The following LSAMP variants were observed in gnomAD, a reference collection of about 807,000 sequenced individuals.
LSAMP encodes limbic system-associated membrane protein.
Under a neutral mutation model 38.6 loss-of-function variants are expected in LSAMP, and 7 were observed. The ratio of observed to expected loss-of-function variants is 0.18; its 90% CI spans 0.10 to 0.34. The LOEUF is 0.34. Ranked by LOEUF, LSAMP falls within the 10% of genes least tolerant of loss-of-function variation. The probability of loss-of-function intolerance (pLI) is 1.00; values close to 1 mark genes in which losing one functional copy is unlikely to be tolerated. For missense variants in LSAMP, 313 were observed against 420.0 expected (o/e 0.75, Z 2.23); for synonymous variants, 154 against 166.8 (o/e 0.92, Z 0.59).
At chr3:115,933,753 G>T (rs1197328238) in intron 3 of LSAMP, among the ~76,000 whole-genome samples, 1 of 152,158 alleles carries the variant, frequency 6.6e-6, no homozygotes, top group Non-Finnish European at 1.5e-5. Flanking sequence ...GGAAACAGTA[G>T]AACCTTAGTA....
rs1175774219 is a variant in LSAMP, at chr3:116,223,403, C to A, written c.156-136847G>T. 7.2e-5 allele frequency among the ~76,000 whole-genome samples: 11 copies of A among 152,146 alleles called. No individual in the cohort carries two copies. The South Asian group carries it at 2.1e-3, about 29-fold the overall frequency. On this transcript the variant is annotated intron_variant, in intron 1 of 6. Transcript: ENST00000490035. The stretch of plus-strand genomic sequence containing the variant: ...TAATTGCAAATGTAGCTATAATAAT[C>A]AAAAATTAGAACTATTCTAAATGTC...
intron 1 of LSAMP, among the ~76,000 whole-genome samples, chr3:116,249,148 C>CAA (rs56255627): frequency 0.71 from 89,292 of 125,756 alleles, 31,279 homozygotes; most frequent in South Asian, 0.81. Flanking sequence ...GACTCTGTCT[C>CAA]AAAAAAAAAA....
intron 1 of LSAMP, among the ~76,000 whole-genome samples, chr3:116,279,928 C>T (rs1045967795): frequency 1.3e-5 from 2 of 151,992 alleles, no homozygotes; most frequent in East Asian, 3.9e-4. Flanking sequence ...AAAACATTTA[C>T]TATTATTTAA....
intron 1 of LSAMP, among the ~76,000 whole-genome samples, chr3:116,213,264 T>C (rs1030186937): frequency 3.3e-5 from 5 of 152,164 alleles, no homozygotes; most frequent in Admixed American, 1.3e-4. Context: ...AGGAACATAG[T>C]GGGAGGTAAC....
intron 3 of LSAMP, among the ~76,000 whole-genome samples, chr3:115,916,113 C>T (rs1389265561): frequency 2.0e-5 from 3 of 151,970 alleles, no homozygotes; most frequent in Non-Finnish European, 4.4e-5. Flanking sequence ...AGTCCAACAC[C>T]GATCATTCAA....
chr3:116,347,292 T>A (rs942405692), intron 1 of LSAMP, among the ~76,000 whole-genome samples: 1 of 152,168 alleles, frequency 6.6e-6, no homozygotes, highest in Non-Finnish European at 1.5e-5. Flanking sequence ...TTCTTCCCTA[T>A]CCTAACCCTT....
chr3:116,285,107 T>G (rs543638995), intron 1 of LSAMP, among the ~76,000 whole-genome samples: 1 of 152,180 alleles, frequency 6.6e-6, no homozygotes, highest in African/African-American at 2.4e-5. Flanking sequence ...CTACGACTGG[T>G]TTGAAGCTTG....
chr3:116,113,579 C>G (rs1480452380), intron 1 of LSAMP, among the ~76,000 whole-genome samples: 1 of 150,370 alleles, frequency 6.7e-6, no homozygotes, highest in East Asian at 2.0e-4. Flanking sequence ...GCGCCCGCCA[C>G]TACGCCCGGC....
At chr3:116,296,817 C>T (rs186264146) in intron 1 of LSAMP, among the ~76,000 whole-genome samples, 9 of 151,750 alleles carry the variant, frequency 5.9e-5, no homozygotes, top group Admixed American at 2.6e-4. Context: ...ATAACCCTTA[C>T]GCCATGGAGG....
intron 1 of LSAMP, among the ~76,000 whole-genome samples, chr3:116,402,775 A>G (rs2048854845): frequency 6.6e-6 from 1 of 151,626 alleles, no homozygotes; most frequent in South Asian, 2.1e-4. Flanking sequence ...GATGCAATAA[A>G]ACCCCCATGT....
chr3:116,214,914 A>G (rs1262675809), intron 1 of LSAMP, among the ~76,000 whole-genome samples: 1 of 152,154 alleles, frequency 6.6e-6, no homozygotes, highest in African/African-American at 2.4e-5. Context: ...AATTTCAATG[A>G]ACTGTGACTA....
intron 1 of LSAMP, among the ~76,000 whole-genome samples, chr3:116,311,140 T>G (rs1270416446): frequency 1.3e-5 from 2 of 152,136 alleles, no homozygotes; most frequent in Non-Finnish European, 1.5e-5. Flanking sequence ...GTAGAAATCA[T>G]TATGTAATTT....
intron 1 of LSAMP, among the ~76,000 whole-genome samples, chr3:116,239,599 G>A (rs1245810442): frequency 6.6e-6 from 1 of 152,104 alleles, no homozygotes; most frequent in Non-Finnish European, 1.5e-5. Context: ...AATTGTTGAA[G>A]CATGGAAGAT....
chr3:115,931,967 G>A (rs888399181), intron 3 of LSAMP, among the ~76,000 whole-genome samples: 5 of 152,178 alleles, frequency 3.3e-5, no homozygotes, highest in South Asian at 4.1e-4. Flanking sequence ...GCTGGGCGAT[G>A]TGGGGGATTC....
In LSAMP at chr3:115,830,954, G is replaced by A. The variant is rs573783492; in HGVS notation, c.919+10891C>T. On this transcript the variant is annotated intron_variant, in intron 6 of 6. Coordinates refer to ENST00000490035, the MANE Select transcript of LSAMP (RefSeq NM_002338.5). ...TCCCCCTTAGGGAGAAAACATGCCA[G>A]GACGACTTCAGATTTCTGCAAGCCT... is the stretch of plus-strand genomic sequence containing the variant. Among the ~76,000 whole-genome samples, 45 of 152,312 alleles carry A rather than the reference G, an allele frequency of 3.0e-4. No homozygotes were observed. The East Asian group carries it at 8.1e-3, about 27-fold the overall frequency.
chr3:116,185,030 C>CTTTTTTTTT (rs368314567), intron 1 of LSAMP, among the ~76,000 whole-genome samples: 23 of 117,734 alleles, frequency 2.0e-4, no homozygotes, highest in East Asian at 4.7e-4. Context: ...TTCTTTCTTT[C>CTTTTTTTTT]TTTTTTTTTT....
chr3:116,251,733 A>G (rs979664652), intron 1 of LSAMP, among the ~76,000 whole-genome samples: 4 of 144,052 alleles, frequency 2.8e-5, no homozygotes, highest in African/African-American at 1.0e-4. Flanking sequence ...AGATTCTATT[A>G]AAGATTTCAA....
chr3:116,425,507 C>T (rs2049182954), intron 1 of LSAMP, among the ~76,000 whole-genome samples: 1 of 152,140 alleles, frequency 6.6e-6, no homozygotes, highest in Non-Finnish European at 1.5e-5. Context: ...ATAGAAAAGT[C>T]ATTTTTTCTT....
chr3:116,032,064 T>G (rs1425856630), intron 2 of LSAMP, among the ~76,000 whole-genome samples: 1 of 152,126 alleles, frequency 6.6e-6, no homozygotes, highest in Non-Finnish European at 1.5e-5. Flanking sequence ...GGGATGGGGA[T>G]AGGGGAGAGA....
Sources: gnomAD v4.1 joint callset for allele counts (sites outside exome capture counted in the v4.1 genomes callset) on GRCh38, gnomAD v4.1.1 for gene constraint, MANE v1.5 for transcripts, NCBI Gene and HGNC (gene_info 2026-07-23, HGNC 2026-07-21) for gene names.